Variants in CMSS1 observed in about 807,000 individuals in gnomAD.
The protein encoded by CMSS1 is cms1 ribosomal small subunit homolog, also known as protein CMSS1.
A neutral mutation model predicts 43.5 loss-of-function variants in CMSS1; 33 were observed. The ratio of observed to expected loss-of-function variants is 0.76; its 90% CI spans 0.57 to 1.01. The LOEUF (loss-of-function observed/expected upper bound fraction) is 1.01. Ranked by LOEUF, CMSS1 falls within the 50% of genes least tolerant of loss-of-function variation. CMSS1 has a pLI of 0.00. For missense variants in CMSS1, 313 were observed against 326.4 expected (o/e 0.96, Z 0.32); for synonymous variants, 115 against 117.2 (o/e 0.98, Z 0.12).
chr3:100,111,452 G>A (rs2066489738), intron 1 of CMSS1, among the ~76,000 whole-genome samples: 1 of 152,152 alleles, frequency 6.6e-6, no homozygotes, highest in African/African-American at 2.4e-5. Flanking sequence ...GGTAATACCT[G>A]CCTTTCCTAC....
At chr3:100,038,965 A>G (rs1393051369) in intron 1 of CMSS1, among the ~76,000 whole-genome samples, 3 of 152,220 alleles carry the variant, frequency 2.0e-5, no homozygotes, top group Non-Finnish European at 4.4e-5. Flanking sequence ...ACGTCTTTGA[A>G]AAATGCACAC....
chr3:100,042,178 G>A, intron 1 of CMSS1, among the ~76,000 whole-genome samples: 1 of 152,112 alleles, frequency 6.6e-6, no homozygotes, highest in East Asian at 1.9e-4. Context: ...AAAAATTGTG[G>A]CAGTAGATGA....
At chr3:100,008,858 ATT>A (rs1710064201) in intron 1 of CMSS1, among the ~76,000 whole-genome samples, 1 of 152,304 alleles carries the variant, frequency 6.6e-6, no homozygotes, top group African/African-American at 2.4e-5. Context: ...CAGCAAAGTG[ATT>A]TTATTCCTGG....
intron 5 of CMSS1, 99 bp downstream of exon 5, chr3:100,166,493 A>G: frequency 1.4e-6 from 1 of 735,206 alleles, no homozygotes; most frequent in Non-Finnish European, 2.4e-6. Context: ...ATAACACATT[A>G]GGCCATTATT....
intron 1 of CMSS1, among the ~76,000 whole-genome samples, chr3:100,068,155 GA>G (rs2065698436): frequency 1.3e-5 from 2 of 152,212 alleles, no homozygotes; most frequent in Admixed American, 1.3e-4. Context: ...TTTAATCAAA[GA>G]AATACCATTG....
At chr3:100,124,659 A>G (rs1021515619) in intron 1 of CMSS1, among the ~76,000 whole-genome samples, 3 of 152,106 alleles carry the variant, frequency 2.0e-5, no homozygotes, top group Non-Finnish European at 2.9e-5. Context: ...AACATCAAGG[A>G]CATCCTAGAG....
At chr3:99,917,483 A>G (rs1433813781) in intron 1 of CMSS1, among the ~76,000 whole-genome samples, 2 of 152,148 alleles carry the variant, frequency 1.3e-5, no homozygotes, top group Non-Finnish European at 2.9e-5. Flanking sequence ...CTCTGCAACT[A>G]TTTAGCTGGA....
intron 1 of CMSS1, among the ~76,000 whole-genome samples, chr3:100,143,281 T>G (rs2066819263): frequency 6.6e-6 from 1 of 152,238 alleles, no homozygotes; most frequent in Non-Finnish European, 1.5e-5. Context: ...CTTGTCATAT[T>G]GCACTGGTTA....
chr3:99,930,494 A>T (rs1452593186), intron 1 of CMSS1, among the ~76,000 whole-genome samples: 1 of 152,168 alleles, frequency 6.6e-6, no homozygotes, highest in South Asian at 2.1e-4. Context: ...CTACTGATGC[A>T]TGCATGTGCA....
intron 1 of CMSS1, among the ~76,000 whole-genome samples, chr3:99,967,953 C>G (rs1708702148): frequency 1.3e-5 from 2 of 152,152 alleles, no homozygotes; most frequent in South Asian, 4.1e-4. Context: ...AGAAAAGCAT[C>G]ACAGTACTTC....
intron 1 of CMSS1, among the ~76,000 whole-genome samples, chr3:99,820,742 C>T (rs1229229644): frequency 6.6e-6 from 1 of 152,196 alleles, no homozygotes; most frequent in Non-Finnish European, 1.5e-5. Context: ...GCTTACTTAC[C>T]TGGCTGCCTT....
chr3:100,091,284 C>CAAAAAAA (rs570908389), intron 1 of CMSS1, among the ~76,000 whole-genome samples: 7 of 59,012 alleles, frequency 1.2e-4, no homozygotes, highest in Admixed American at 1.7e-4. Flanking sequence ...GACTCCGTCT[C>CAAAAAAA]AAAAAAAAAA....
At chr3:100,107,490 A>G (rs981734890) in intron 1 of CMSS1, among the ~76,000 whole-genome samples, 15 of 152,158 alleles carry the variant, frequency 9.9e-5, no homozygotes, top group African/African-American at 3.6e-4. Flanking sequence ...TTCCTTCCGC[A>G]CATTTGGCAG....
At chr3:100,010,343 G>A (rs1300672921) in intron 1 of CMSS1, among the ~76,000 whole-genome samples, 1 of 152,082 alleles carries the variant, frequency 6.6e-6, no homozygotes, top group South Asian at 2.1e-4. Context: ...AAGAAAAAAG[G>A]CATGTAACTG....
intron 1 of CMSS1, among the ~76,000 whole-genome samples, chr3:99,892,266 CTT>C (rs1160665698): frequency 6.6e-6 from 1 of 152,188 alleles, no homozygotes; most frequent in Non-Finnish European, 1.5e-5. Flanking sequence ...AATGTGAGGG[CTT>C]CACATCTTTG....
chr3:99,903,857 A>G (rs1291915325), intron 1 of CMSS1, among the ~76,000 whole-genome samples: 1 of 152,196 alleles, frequency 6.6e-6, no homozygotes, highest in East Asian at 1.9e-4. Context: ...ATAAGAAATA[A>G]TAGAGCTGTC....
chr3:100,119,830 G>C (rs1032821143), intron 1 of CMSS1, among the ~76,000 whole-genome samples: 1 of 152,154 alleles, frequency 6.6e-6, no homozygotes, highest in African/African-American at 2.4e-5. Context: ...GTATTATCCT[G>C]TTCTTAATGT....
At chr3:100,143,519 T>G (rs573717076) in intron 1 of CMSS1, among the ~76,000 whole-genome samples, 33 of 152,168 alleles carry the variant, frequency 2.2e-4, no homozygotes, top group African/African-American at 7.5e-4. Context: ...GTGTGTATTC[T>G]GCCGTTGTTG....
intron 1 of CMSS1, among the ~76,000 whole-genome samples, chr3:99,997,588 A>G (rs1449152545): frequency 1.3e-5 from 2 of 152,180 alleles, no homozygotes; most frequent in African/African-American, 4.8e-5. Context: ...AATAGATGGT[A>G]GGGGCAGGGT....
Sources: gnomAD v4.1 joint callset for allele counts (sites outside exome capture counted in the v4.1 genomes callset) on GRCh38, gnomAD v4.1.1 for gene constraint, MANE v1.5 for transcripts, NCBI Gene and HGNC (gene_info 2026-07-23, HGNC 2026-07-21) for gene names.